NCOR2: variants seen among roughly 807,000 people sequenced by gnomAD.
NCOR2 encodes nuclear receptor corepressor 2.
Under a neutral mutation model 262.9 loss-of-function variants are expected in NCOR2, and 81 were observed. The ratio of observed to expected loss-of-function variants is 0.31; its 90% confidence interval spans 0.26 to 0.37. The LOEUF is 0.37. Ranked by LOEUF, NCOR2 falls within the 10% of genes least tolerant of loss-of-function variation. The probability of loss-of-function intolerance (pLI) is 1.00; values close to 1 mark genes in which losing one functional copy is unlikely to be tolerated. For synonymous variants in NCOR2, 1,659 were observed against 1,559.3 expected (o/e 1.06, Z -1.51); for missense variants, 3,385 against 3,621.4 (o/e 0.93, Z 1.68).
chr12:124,333,909 TGCGG>T (rs1566353837), intron 41 of NCOR2, among the ~76,000 whole-genome samples: 189 of 145,794 alleles, frequency 1.3e-3, no homozygotes, highest in South Asian at 4.4e-3. Flanking sequence ...CGCGCATGTG[TGCGG>T]GTGTGCATGT....
intron 8 of NCOR2, 114 bp from the exon 11 acceptor site, chr12:124,430,901 G>C (rs1012405539): frequency 1.0e-5 from 13 of 1,275,778 alleles, no homozygotes; most frequent in Non-Finnish European, 1.1e-5. Context: ...CACACACAAA[G>C]TCACACAGGC....
At chr12:124,505,705 G>A (rs576393062) in intron 1 of NCOR2, among the ~76,000 whole-genome samples, 3 of 152,206 alleles carry the variant, frequency 2.0e-5, no homozygotes, top group African/African-American at 7.2e-5. Flanking sequence ...GCAGTTCTCG[G>A]CCCACAGAAG....
chr12:124,325,577 G>A (rs1026261301), exon 47 of NCOR2: 5 of 1,288,964 alleles, frequency 3.9e-6, no homozygotes, highest in South Asian at 2.8e-5. Flanking sequence ...GGGGAATGGC[G>A]TGGAACCTGC....
At chr12:124,467,092 CCCTCATCAT>C (rs1429291930) in intron 4 of NCOR2, among the ~76,000 whole-genome samples, 1 of 134,684 alleles carries the variant, frequency 7.4e-6, no homozygotes, top group African/African-American at 2.9e-5. Flanking sequence ...ATCCTCATCA[CCCTCATCAT>C]CCTCGTCATC....
intron 7 of NCOR2, among the ~76,000 whole-genome samples, chr12:124,446,763 G>A: frequency 6.6e-6 from 1 of 152,026 alleles, no homozygotes; most frequent in Non-Finnish European, 1.5e-5. Context: ...AAAATAGAAG[G>A]GATGATAATT....
intron 17 of NCOR2, among the ~76,000 whole-genome samples, chr12:124,382,887 C>T (rs1273483289): frequency 1.3e-5 from 2 of 152,208 alleles, no homozygotes; most frequent in Non-Finnish European, 2.9e-5. Context: ...CATTCTTATC[C>T]CCATTTTACA....
intron 7 of NCOR2, among the ~76,000 whole-genome samples, chr12:124,448,898 T>G (rs912444825): frequency 6.6e-6 from 1 of 152,070 alleles, no homozygotes; most frequent in African/African-American, 2.4e-5. Context: ...GCAGCCACAC[T>G]CAAACGCCTG....
At chr12:124,465,058 C>T (rs1211762761) in intron 5 of NCOR2, among the ~76,000 whole-genome samples, 2 of 152,182 alleles carry the variant, frequency 1.3e-5, no homozygotes, top group Admixed American at 6.5e-5. Context: ...CAGGCTGCCA[C>T]TGCAGGCACC....
intron 41 of NCOR2, among the ~76,000 whole-genome samples, chr12:124,333,524 C>T (rs972663151): frequency 1.3e-5 from 2 of 152,008 alleles, no homozygotes; most frequent in Non-Finnish European, 2.9e-5. Context: ...AACAGAGGGC[C>T]CGGGCTAGAT....
chr12:124,339,908 T>TCCCC, intron 37 of NCOR2, 98 bp downstream of exon 39: 7 of 156,238 alleles, frequency 4.5e-5, no homozygotes, highest in Admixed American at 1.0e-4. Flanking sequence ...CCCACCCACC[T>TCCCC]CCCATATACC....
rs141405326 is a variant in NCOR2, at chr12:124,392,538, C to T, written c.1876+5581G>A. 1.8e-3 allele frequency among the ~76,000 whole-genome samples: 279 copies of T among 152,230 alleles called. 1 individual carries two copies. Among genetic ancestry groups the T allele is most frequent in the African/African-American group, 6.5e-3 (268 of 41,546 alleles). ...TCGCCTCCTGCTGGGCCCTGACGGACAGCTGCACCAGGAAGTAGCCGGGCA... is the reference window on the plus strand; with the variant it reads ...TCGCCTCCTGCTGGGCCCTGACGGATAGCTGCACCAGGAAGTAGCCGGGCA... On this transcript the variant is annotated intron_variant, in intron 16 of 46. Coordinates refer to ENST00000405201, the Ensembl canonical transcript of NCOR2.
Position 124,516,850 on chromosome 12 carries a change from G to A in NCOR2, c.-118+18715C>T, listed in dbSNP as rs79240944. Among the ~76,000 whole-genome samples the A allele has an allele frequency of 2.4e-3, 372 of 152,300 alleles. 1 individual carries two copies. Among genetic ancestry groups the A allele is most frequent in the African/African-American group, 8.9e-3 (369 of 41,552 alleles). ...TCAGCATCGAGAAAACAAAGTGCCA[G>A]TGAATTATCAACTGTGAGCCTATTA... is the stretch of plus-strand genomic sequence containing the variant. On this transcript the variant is annotated intron_variant, in intron 1 of 46. Transcript: ENST00000404621.
At chr12:124,449,480 C>T (rs990616484) in intron 7 of NCOR2, among the ~76,000 whole-genome samples, 2 of 152,216 alleles carry the variant, frequency 1.3e-5, no homozygotes, top group Non-Finnish European at 2.9e-5. Flanking sequence ...CTTCTGCCCG[C>T]AACAGCTCCC....
intron 38 of NCOR2, 69 bp from the exon 41 acceptor site, chr12:124,335,701 C>G (rs1430851943): frequency 9.2e-6 from 14 of 1,516,482 alleles, no homozygotes; most frequent in Non-Finnish European, 1.1e-5. Context: ...GGCAGGGCTG[C>G]CCTCCCAGCT....
At chr12:124,402,477 T>C (rs745957297) in exon 14 of NCOR2, 7 of 1,611,726 alleles carry the variant, frequency 4.3e-6, no homozygotes, top group East Asian at 2.2e-5. Flanking sequence ...TCCTTCTCCT[T>C]CTCATCTTTC....
chr12:124,402,418 C>T, exon 14 of NCOR2: 2 of 1,614,142 alleles, frequency 1.2e-6, no homozygotes, highest in Non-Finnish European at 1.7e-6. Context: ...GGAGGTCTTC[C>T]TTGTCGTTCT....
intron 7 of NCOR2, among the ~76,000 whole-genome samples, chr12:124,445,180 G>T (rs1186259328): frequency 6.6e-6 from 1 of 152,204 alleles, no homozygotes; most frequent in East Asian, 1.9e-4. Context: ...GGCAGAATGT[G>T]CCTGAGCGCC....
chr12:124,450,519 G>A (rs2045453340), intron 6 of NCOR2, among the ~76,000 whole-genome samples: 1 of 152,172 alleles, frequency 6.6e-6, no homozygotes, highest in Admixed American at 6.5e-5. Flanking sequence ...CTAACGCACT[G>A]CTCACAGCGG....
chr12:124,362,277 C>A (rs752399829), exon 22 of NCOR2: 2 of 1,315,234 alleles, frequency 1.5e-6, no homozygotes, highest in Non-Finnish European at 1.9e-6. Flanking sequence ...CCCGGGGGGG[C>A]TCATGGACTT....
Sources: allele counts gnomAD v4.1 joint callset (sites outside exome capture counted in the v4.1 genomes callset), GRCh38; gene constraint gnomAD v4.1.1; transcripts MANE v1.5; gene names NCBI Gene and HGNC (gene_info 2026-07-23, HGNC 2026-07-21).